The following SORBS2 variants were observed in gnomAD, a reference collection of about 807,000 sequenced individuals.
SORBS2 encodes sorbin and SH3 domain-containing protein 2.
SORBS2 carries 46 observed loss-of-function variants against 97.7 expected under a neutral mutation model. The ratio of observed to expected loss-of-function variants is 0.47; its 90% CI spans 0.37 to 0.60. SORBS2 has a LOEUF of 0.60. Among genes scored for constraint, SORBS2 ranks in the 20% least tolerant of loss-of-function variants. SORBS2 has a pLI of 0.00. For synonymous variants in SORBS2, 476 were observed against 473.4 expected (o/e 1.01, Z -0.07); for missense variants, 1,316 against 1,282.3 (o/e 1.03, Z -0.40).
In SORBS2 at chr4:185,895,572, G is replaced by A. The variant is rs145410147; in HGVS notation, c.-338+60624C>T. On this transcript the variant is annotated intron_variant, in intron 1 of 20. Coordinates refer to the SORBS2 transcript ENST00000284776. ...GTGGCATCACCCCCGCCAGGATCCCGGGTGCACCGGGCCCAGTGCCCGGCT... is the reference window on the plus strand; with the variant it reads ...GTGGCATCACCCCCGCCAGGATCCCAGGTGCACCGGGCCCAGTGCCCGGCT... Among the ~76,000 whole-genome samples, 849 of 152,320 alleles carry A rather than the reference G, an allele frequency of 5.6e-3. 15 individuals are homozygous for A. The highest frequency in any genetic ancestry group is 4.4e-3 in the Non-Finnish European group (301 of 68,028).
At chr4:185,617,932 C>T (rs1015908961) in intron 9 of SORBS2, among the ~76,000 whole-genome samples, 1 of 152,200 alleles carries the variant, frequency 6.6e-6, no homozygotes, top group Middle Eastern at 3.4e-3. Context: ...TATCAAATTC[C>T]CCCAGCTAGT....
intron 2 of SORBS2, among the ~76,000 whole-genome samples, chr4:185,753,195 C>T (rs1305325813): frequency 6.6e-6 from 1 of 152,204 alleles, no homozygotes; most frequent in Non-Finnish European, 1.5e-5. Context: ...AATTTCAATT[C>T]TGTATTCACC....
chr4:185,633,158 C>T (rs1270761754), intron 4 of SORBS2, among the ~76,000 whole-genome samples: 1 of 152,182 alleles, frequency 6.6e-6, no homozygotes, highest in African/African-American at 2.4e-5. Context: ...AACTGTTCTT[C>T]ATTAATGCCA....
At chr4:185,856,912 C>T (rs1203487010) in intron 1 of SORBS2, among the ~76,000 whole-genome samples, 1 of 152,162 alleles carries the variant, frequency 6.6e-6, no homozygotes, top group Non-Finnish European at 1.5e-5. Flanking sequence ...ACACTGAAAT[C>T]ATCAGCTCTC....
chr4:185,815,161 T>C (rs1398027277), intron 1 of SORBS2, among the ~76,000 whole-genome samples: 3 of 152,238 alleles, frequency 2.0e-5, no homozygotes, highest in Non-Finnish European at 4.4e-5. Context: ...TGCAGAGTAA[T>C]GGCCCATTAT....
At chr4:185,643,446 G>C (rs2097160231) in intron 4 of SORBS2, among the ~76,000 whole-genome samples, 1 of 152,172 alleles carries the variant, frequency 6.6e-6, no homozygotes, top group African/African-American at 2.4e-5. Flanking sequence ...TTCAGATTTT[G>C]CTCGAAGGAC....
At chr4:185,859,803 G>A (rs1358482826) in intron 1 of SORBS2, among the ~76,000 whole-genome samples, 1 of 152,144 alleles carries the variant, frequency 6.6e-6, no homozygotes, top group Non-Finnish European at 1.5e-5. Context: ...ATAGAAACTT[G>A]GAGCTACAGG....
intron 1 of SORBS2, among the ~76,000 whole-genome samples, chr4:185,827,315 T>C (rs2099201235): frequency 1.0e-3 from 9 of 8,842 alleles, no homozygotes; most frequent in Non-Finnish European, 1.7e-3. Flanking sequence ...ATCATCACCA[T>C]CATCACCATC....
At chr4:185,817,699 T>A (rs2099194136) in intron 1 of SORBS2, among the ~76,000 whole-genome samples, 1 of 152,164 alleles carries the variant, frequency 6.6e-6, no homozygotes, top group African/African-American at 2.4e-5. Flanking sequence ...GCAAGAAGGA[T>A]TTTAAAACAA....
intron 12 of SORBS2, among the ~76,000 whole-genome samples, chr4:185,596,919 C>A (rs1223455446): frequency 6.6e-6 from 1 of 152,146 alleles, no homozygotes; most frequent in African/African-American, 2.4e-5. Flanking sequence ...ACACACAAAT[C>A]ATCAGTTTTC....
chr4:185,785,451 C>G (rs902785512), intron 1 of SORBS2, among the ~76,000 whole-genome samples: 1 of 152,094 alleles, frequency 6.6e-6, no homozygotes, highest in African/African-American at 2.4e-5. Context: ...ATAACGATTC[C>G]GTTTTATAAC....
At chr4:185,954,735 G>A (rs191071016) in intron 1 of SORBS2, among the ~76,000 whole-genome samples, 32 of 152,240 alleles carry the variant, frequency 2.1e-4, no homozygotes, top group African/African-American at 6.5e-4. Flanking sequence ...TGAGGCAGGC[G>A]GATCACGAGG....
chr4:185,890,357 G>T (rs966371123), intron 1 of SORBS2, among the ~76,000 whole-genome samples: 2 of 152,108 alleles, frequency 1.3e-5, no homozygotes, highest in Admixed American at 6.5e-5. Flanking sequence ...TGGAATTCTG[G>T]TATGTTCTGG....
intron 2 of SORBS2, among the ~76,000 whole-genome samples, chr4:185,730,979 C>G (rs771580348): frequency 9.9e-5 from 15 of 152,166 alleles, no homozygotes; most frequent in Non-Finnish European, 1.8e-4. Context: ...TCCTCATGGA[C>G]ACCATTCAAC....
chr4:185,623,410 G>C lies in SORBS2; in HGVS notation c.1719C>G (p.Thr573=). The C allele has an allele frequency of 6.2e-7, 1 of 1,611,600 alleles. No individual in the cohort carries two copies. The highest frequency in any genetic ancestry group is 1.1e-5 in the South Asian group (1 of 91,078). Residue 573 remains threonine (T), a synonymous_variant, in exon 7 of 15, where the codon ACC becomes ACG. Coordinates refer to ENST00000418609, the Ensembl canonical transcript of SORBS2. This position sits in a 1 kb window ranked among gnomAD's most constrained non-coding sequence, Gnocchi z 6.4. Reference sequence around the variant, plus strand: ...TGGCTCTTTCGTGTTTTAACATTGTGGTAAATCGAGTGTAGGAGGCCGGGC... The same window carrying C: ...TGGCTCTTTCGTGTTTTAACATTGTCGTAAATCGAGTGTAGGAGGCCGGGC...
At chr4:185,857,198 G>C (rs72707643) in intron 1 of SORBS2, among the ~76,000 whole-genome samples, 11,507 of 152,212 alleles carry the variant, frequency 0.076, 575 homozygotes, top group Non-Finnish European at 0.11. Context: ...CATAAATTGT[G>C]AAGATTTAAT....
intron 1 of SORBS2, among the ~76,000 whole-genome samples, chr4:185,955,671 G>C (rs1233815556): frequency 6.6e-6 from 1 of 152,058 alleles, no homozygotes; most frequent in Non-Finnish European, 1.5e-5. Flanking sequence ...GATAATTAAG[G>C]CATCTTAATT....
chr4:185,641,553 C>T (rs2097126897), intron 4 of SORBS2, among the ~76,000 whole-genome samples: 1 of 152,126 alleles, frequency 6.6e-6, no homozygotes, highest in Admixed American at 6.5e-5. Context: ...TGGATATACA[C>T]ACAAATCACT....
At chr4:185,820,570 A>G (rs2099196148) in intron 1 of SORBS2, among the ~76,000 whole-genome samples, 1 of 152,196 alleles carries the variant, frequency 6.6e-6, no homozygotes, top group Admixed American at 6.5e-5. Flanking sequence ...CTGAGACCAC[A>G]GAGGGACAGG....
Sources: gnomAD v4.1 joint callset for allele counts (sites outside exome capture counted in the v4.1 genomes callset) on GRCh38, gnomAD v4.1.1 for gene constraint, Gnocchi (gnomAD v3.1) non-coding constraint, MANE v1.5 for transcripts, NCBI Gene and HGNC (gene_info 2026-07-23, HGNC 2026-07-21) for gene names.